Variants in STAP1 observed in about 807,000 individuals in gnomAD.
STAP1 encodes signal-transducing adaptor protein 1.
A neutral mutation model predicts 37.8 loss-of-function variants in STAP1; 30 were observed. The observed-to-expected ratio is 0.79, with a 90% CI of 0.59 to 1.08. The LOEUF (loss-of-function observed/expected upper bound fraction) is 1.08. Among genes scored for constraint, STAP1 ranks in the 50% least tolerant of loss-of-function variants. The probability of loss-of-function intolerance (pLI) is 0.00; values close to 1 mark genes in which losing one functional copy is unlikely to be tolerated. For missense variants in STAP1, 357 were observed against 349.4 expected (o/e 1.02, Z -0.17); for synonymous variants, 130 against 116.0 (o/e 1.12, Z -0.78).
chr4:67,569,612 TA>T lies in STAP1; in HGVS notation c.121-1471del, dbSNP rs202146875. Among the ~76,000 whole-genome samples, 1,214 of 152,242 alleles carry T rather than the reference TA, an allele frequency of 8.0e-3. 7 individuals carry two copies. Among genetic ancestry groups the T allele is most frequent in the Middle Eastern group, 0.051 (15 of 292 alleles). On this transcript the variant is annotated intron_variant, in intron 1 of 8. Transcript: ENST00000265404. ...TTTCTATTTTTAAAATTCTTTATTT[TA>T]TTTTTTTTTACTTTTTAAGCTTTTT...
intron 8 of STAP1, among the ~76,000 whole-genome samples, chr4:67,599,988 T>A (rs1383443332): frequency 2.0e-5 from 3 of 152,160 alleles, no homozygotes; most frequent in Non-Finnish European, 4.4e-5. Flanking sequence ...TGTATTTTTT[T>A]AAATTTAAAT....
At position 67,583,699 on chromosome 4, in the gene STAP1, T is replaced by G. The variant is rs763600280; in HGVS notation, c.656T>G (p.Ile219Arg). ...TACTCCATCACTATTCGGCAGGAGA[T>G]AGAGTATGTTTATTTTTTTTAAATG... ...RNYSITIRQE[I>R]DIPRIKHYKV... Residue 219 changes from isoleucine to arginine, a missense_variant, in exon 6 of 9, where the codon ATA becomes AGA. Transcript: ENST00000265404. 1.2e-6 allele frequency: 2 copies of G among 1,608,026 alleles called. No individual in the cohort carries two copies. The highest frequency in any genetic ancestry group is 8.5e-7 in the Non-Finnish European group (1 of 1,178,414).
intron 7 of STAP1, among the ~76,000 whole-genome samples, chr4:67,592,488 T>C (rs2109872534): frequency 6.6e-6 from 1 of 152,282 alleles, no homozygotes; most frequent in Non-Finnish European, 1.5e-5. Flanking sequence ...AGAAACCAAC[T>C]ACAGCTAACT....
chr4:67,563,601 G>T (rs2109852962), intron 1 of STAP1, among the ~76,000 whole-genome samples: 1 of 152,286 alleles, frequency 6.6e-6, no homozygotes, highest in South Asian at 2.1e-4. Context: ...TACTCGGGAG[G>T]CTGAAGTGGG....
intron 8 of STAP1, among the ~76,000 whole-genome samples, chr4:67,600,445 A>G (rs1210135797): frequency 6.6e-6 from 1 of 152,120 alleles, no homozygotes; most frequent in Admixed American, 6.5e-5. Flanking sequence ...CTTGAAAATA[A>G]TCCATGTTCT....
intron 8 of STAP1, among the ~76,000 whole-genome samples, chr4:67,605,041 C>A (rs1326461020): frequency 6.6e-6 from 1 of 152,170 alleles, no homozygotes; most frequent in Non-Finnish European, 1.5e-5. Flanking sequence ...TAGGAAATAA[C>A]TCTTTTCCAG....
At chr4:67,565,646 A>G (rs942565002) in intron 1 of STAP1, among the ~76,000 whole-genome samples, 3 of 152,242 alleles carry the variant, frequency 2.0e-5, no homozygotes, top group Middle Eastern at 3.4e-3. Flanking sequence ...TGCTTTACAC[A>G]CATACATTAT....
At chr4:67,601,431 T>C (rs1728339737) in intron 8 of STAP1, among the ~76,000 whole-genome samples, 1 of 152,214 alleles carries the variant, frequency 6.6e-6, no homozygotes, top group African/African-American at 2.4e-5. Flanking sequence ...TTTTGTCTAT[T>C]ACCACCAGTG....
At chr4:67,589,332 G>A (rs1728072464) in intron 6 of STAP1, among the ~76,000 whole-genome samples, 1 of 152,210 alleles carries the variant, frequency 6.6e-6, no homozygotes, top group Non-Finnish European at 1.5e-5. Context: ...GGAAGGAAAA[G>A]GGTTGGTTGG....
At chr4:67,603,858 C>T (rs1476805661) in intron 8 of STAP1, among the ~76,000 whole-genome samples, 2 of 152,074 alleles carry the variant, frequency 1.3e-5, no homozygotes, top group Admixed American at 6.5e-5. Context: ...CACAAGCACT[C>T]CCCTGGTCAC....
intron 7 of STAP1, among the ~76,000 whole-genome samples, chr4:67,591,760 T>G (rs1404232017): frequency 1.3e-5 from 2 of 152,184 alleles, no homozygotes; most frequent in Non-Finnish European, 2.9e-5. Context: ...TTTTTTATAT[T>G]TTGGTCATAA....
At chr4:67,596,742 T>G (rs1728234685) in intron 8 of STAP1, among the ~76,000 whole-genome samples, 1 of 152,152 alleles carries the variant, frequency 6.6e-6, no homozygotes, top group Non-Finnish European at 1.5e-5. Flanking sequence ...AGAGAGATAA[T>G]TTAGGGTATC....
chr4:67,578,790 A>T (rs1016004568), intron 4 of STAP1, among the ~76,000 whole-genome samples: 2 of 151,956 alleles, frequency 1.3e-5, no homozygotes, highest in African/African-American at 4.8e-5. Context: ...TAAAATACAC[A>T]CATAAATAAG....
At chr4:67,577,543 T>C (rs1221312596) in intron 4 of STAP1, among the ~76,000 whole-genome samples, 2 of 152,202 alleles carry the variant, frequency 1.3e-5, no homozygotes, top group Non-Finnish European at 2.9e-5. Flanking sequence ...GATCTACTTT[T>C]TGGTCTTATC....
rs151035324 is a variant in STAP1 at position 67,560,168 on chromosome 4, T to A, written c.120+1239T>A. Among the ~76,000 whole-genome samples the A allele has an allele frequency of 2.9e-3, 437 of 152,322 alleles. 3 individuals carry two copies. The highest frequency in any genetic ancestry group is 9.9e-3 in the African/African-American group (412 of 41,556). ...AACTGTTTATGATAGCAGTTTTTTT[T>A]AAATGCTTAAAGAAGACATGTCATT... On this transcript the variant is annotated intron_variant, in intron 1 of 8. Transcript: ENST00000265404.
At chr4:67,587,022 A>C (rs536522219) in intron 6 of STAP1, among the ~76,000 whole-genome samples, 1 of 152,354 alleles carries the variant, frequency 6.6e-6, no homozygotes, top group South Asian at 2.1e-4. Flanking sequence ...CTATGATGTC[A>C]AAGTTTGTTA....
At position 67,606,418 on chromosome 4, in the gene STAP1, T is replaced by TA; in HGVS notation, c.*62dup. On this transcript the variant is annotated 3_prime_UTR_variant, in exon 9 of 9. Coordinates refer to ENST00000265404, the MANE Select transcript of STAP1 (RefSeq NM_012108.4). ...ATTTATATTTTCAAAACGAAGTTCT[T>TA]ACTTTTAAAGAGAATTACCTATATT... The TA allele has an allele frequency of 1.4e-6, 2 of 1,468,088 alleles. No individual in the cohort carries two copies. Among genetic ancestry groups the TA allele is most frequent in the Non-Finnish European group, 1.9e-6 (2 of 1,075,692 alleles). 90.9% of individuals were successfully genotyped at this position (1,468,088 alleles called of 1,614,324 possible).
At chr4:67,570,136 A>C (rs553414260) in intron 1 of STAP1, among the ~76,000 whole-genome samples, 25 of 152,262 alleles carry the variant, frequency 1.6e-4, no homozygotes, top group African/African-American at 6.0e-4. Context: ...AGGCTGCTTC[A>C]CTGTTAGTTA....
intron 5 of STAP1, among the ~76,000 whole-genome samples, chr4:67,582,856 C>A (rs1247276140): frequency 6.6e-6 from 1 of 152,086 alleles, no homozygotes; most frequent in African/African-American, 2.4e-5. Flanking sequence ...TATAAATAAA[C>A]TTTGTGTTAG....
Sources: allele counts gnomAD v4.1 joint callset (sites outside exome capture counted in the v4.1 genomes callset), GRCh38; gene constraint gnomAD v4.1.1; transcripts MANE v1.5; gene names NCBI Gene and HGNC (gene_info 2026-07-23, HGNC 2026-07-21).